Variants in IL7 observed in about 807,000 individuals in gnomAD.
IL7 encodes interleukin 7.
Under a neutral mutation model 21.6 loss-of-function variants are expected in IL7, and 3 were observed. That is an observed-to-expected ratio of 0.14 (90% CI 0.06 to 0.36). The LOEUF (loss-of-function observed/expected upper bound fraction) is 0.36, where lower values mean the gene tolerates loss of function less well. IL7 is among the 10% of genes least tolerant of loss of function. The pLI is 1.00. For missense variants in IL7, 175 were observed against 200.2 expected (o/e 0.87, Z 0.76); for synonymous variants, 62 against 68.1 (o/e 0.91, Z 0.44).
At chr8:78,691,121 G>A (rs1810198108) in intron 3 of IL7, among the ~76,000 whole-genome samples, 1 of 152,136 alleles carries the variant, frequency 6.6e-6, no homozygotes, top group Non-Finnish European at 1.5e-5. Context: ...TAGAGGTGAT[G>A]ACAGTGGACC....
At chr8:78,736,652 C>A in intron 4 of IL7, 125 bp from the exon 5 acceptor site, 1 of 567,672 alleles carries the variant, frequency 1.8e-6, no homozygotes. Context: ...CTTTAAATTT[C>A]TTATTGTTAA....
downstream of IL7, among the ~76,000 whole-genome samples, chr8:78,715,898 G>T (rs892088699): frequency 2.0e-5 from 3 of 151,674 alleles, no homozygotes; most frequent in Non-Finnish European, 4.4e-5. Context: ...AAATTAGCCG[G>T]TTGTGGTGTT....
At chr8:78,695,232 C>A (rs1810359773) in intron 3 of IL7, among the ~76,000 whole-genome samples, 1 of 151,944 alleles carries the variant, frequency 6.6e-6, no homozygotes, top group Non-Finnish European at 1.5e-5. Flanking sequence ...TCAGAAAACT[C>A]AACAATAAAA....
chr8:78,804,874 G>A, intron 1 of IL7, 39 bp downstream of exon 1: 1 of 1,611,620 alleles, frequency 6.2e-7, no homozygotes, highest in Non-Finnish European at 8.5e-7. Context: ...CCGGCGCGTC[G>A]GGCGCGCGAA....
intron 4 of IL7, chr8:78,678,699 A>G (rs1809665698): frequency 6.5e-7 from 1 of 1,549,758 alleles, no homozygotes; most frequent in Non-Finnish European, 8.8e-7. Flanking sequence ...TAACCTTTTG[A>G]ACAGTATGAA....
chr8:78,702,692 AT>A (rs1810643901), intron 3 of IL7, among the ~76,000 whole-genome samples: 2 of 152,204 alleles, frequency 1.3e-5, no homozygotes, highest in African/African-American at 4.8e-5. Flanking sequence ...GCACTTCCCG[AT>A]TTCTGCGTTA....
At chr8:78,740,709 TTTGAAA>T in intron 2 of IL7, among the ~76,000 whole-genome samples, 1 of 152,356 alleles carries the variant, frequency 6.6e-6, no homozygotes, top group African/African-American at 2.4e-5. Context: ...GCATTAGTAC[TTTGAAA>T]TTGACAGTGA....
At chr8:78,707,532 A>G (rs1054241889) in intron 3 of IL7, among the ~76,000 whole-genome samples, 1 of 152,240 alleles carries the variant, frequency 6.6e-6, no homozygotes, top group African/African-American at 2.4e-5. Flanking sequence ...CTAATGGAAA[A>G]TATGCTTTTG....
At chr8:78,790,792 G>A (rs1333706934) in intron 2 of IL7, among the ~76,000 whole-genome samples, 1 of 151,914 alleles carries the variant, frequency 6.6e-6, no homozygotes, top group East Asian at 1.9e-4. Context: ...ATAAAATATT[G>A]TTAAAAGAAA....
chr8:78,782,935 G>A (rs147281532), intron 2 of IL7, among the ~76,000 whole-genome samples: 19 of 152,266 alleles, frequency 1.2e-4, no homozygotes, highest in African/African-American at 4.3e-4. Context: ...GATGGGTCCG[G>A]GTGCAGCCTA....
intron 5 of IL7, 95 bp downstream of exon 5, chr8:78,736,379 A>T (rs1392187911): frequency 1.4e-6 from 1 of 697,510 alleles, no homozygotes; most frequent in Non-Finnish European, 2.3e-6. Context: ...TTTCAAAACC[A>T]GCTATAAGAA....
chr8:78,730,723 G>A (rs1811411174), downstream of IL7, among the ~76,000 whole-genome samples: 1 of 151,948 alleles, frequency 6.6e-6, no homozygotes, highest in Non-Finnish European at 1.5e-5. Flanking sequence ...CTTAGGAGCT[G>A]AAAGGAAGAC....
At chr8:78,760,462 A>G (rs1812514552) in intron 2 of IL7, 1 of 1,555,340 alleles carries the variant, frequency 6.4e-7, no homozygotes, top group African/African-American at 1.4e-5. Flanking sequence ...GAAGCTCTAT[A>G]TCTTTCCCCC....
At chr8:78,755,291 T>C (rs1812312023) in intron 2 of IL7, among the ~76,000 whole-genome samples, 1 of 152,040 alleles carries the variant, frequency 6.6e-6, no homozygotes. Flanking sequence ...TTTTGAGCAG[T>C]ATTGCTTTTG....
At chr8:78,684,125 C>T (rs1809876713) in intron 4 of IL7, among the ~76,000 whole-genome samples, 1 of 152,196 alleles carries the variant, frequency 6.6e-6, no homozygotes, top group Non-Finnish European at 1.5e-5. Context: ...TTACCCAGTT[C>T]CAAAGTTGCT....
chr8:78,714,436 A>G (rs16906018), downstream of IL7, among the ~76,000 whole-genome samples: 5,000 of 152,270 alleles, frequency 0.033, 108 homozygotes, highest in South Asian at 0.12. Flanking sequence ...AAATGTTTAT[A>G]TGAATTGTAC....
chr8:78,730,237 G>A (rs1811400789), downstream of IL7, among the ~76,000 whole-genome samples: 2 of 151,910 alleles, frequency 1.3e-5, no homozygotes, highest in African/African-American at 4.8e-5. Context: ...TGTGAAGGAT[G>A]CAAATCAAAC....
chr8:78,730,803 T>G (rs77943443), downstream of IL7, among the ~76,000 whole-genome samples: 4,558 of 152,008 alleles, frequency 0.03, 252 homozygotes, highest in African/African-American at 0.1. Context: ...GTATTTAAGA[T>G]AAAGTACTAA....
intron 3 of IL7, among the ~76,000 whole-genome samples, chr8:78,724,423 T>TA (rs1314246821): frequency 2.6e-5 from 4 of 151,934 alleles, no homozygotes; most frequent in Non-Finnish European, 5.9e-5. Flanking sequence ...CTTAATTTTT[T>TA]AAAAAAGTTT....
Sources: allele counts gnomAD v4.1 joint callset (sites outside exome capture counted in the v4.1 genomes callset), GRCh38; gene constraint gnomAD v4.1.1; transcripts MANE v1.5; gene names NCBI Gene and HGNC (gene_info 2026-07-23, HGNC 2026-07-21).